Variants in SPEF2 observed in about 807,000 individuals in gnomAD.
SPEF2 encodes sperm flagella and cilia-associated protein 2.
A neutral mutation model predicts 224.6 loss-of-function variants in SPEF2; 187 were observed. The observed-to-expected ratio is 0.83, with a 90% CI of 0.74 to 0.94. The LOEUF is 0.94. Among genes scored for constraint, SPEF2 ranks in the 40% least tolerant of loss-of-function variants. SPEF2 has a pLI of 0.00. For missense variants in SPEF2, 2,170 were observed against 2,135.6 expected, an observed-to-expected ratio of 1.02 and a Z score of -0.32; for synonymous variants, 715 against 707.3, an observed-to-expected ratio of 1.01 and a Z score of -0.17.
chr5:35,701,587 G>A lies in SPEF2; in HGVS notation c.2398+835G>A, dbSNP rs974938376. On this transcript the variant is annotated intron_variant, in intron 16 of 36. Transcript: ENST00000356031. ...AATATTGCCTCTTGGACCCTTGGGG[G>A]TACCTGATTCTATAGGGGTCTGTGC... Among the ~76,000 whole-genome samples, 4 of 152,244 alleles carry A rather than the reference G, an allele frequency of 2.6e-5. No individual in the cohort carries two copies. In the East Asian group the frequency reaches 5.8e-4, roughly 22 times the overall value.
intron 36 of SPEF2, 151 bp downstream of exon 36, chr5:35,807,404 C>T (rs950851058): frequency 1.6e-6 from 2 of 1,261,902 alleles, no homozygotes; most frequent in African/African-American, 1.5e-5. Flanking sequence ...GTAATCACAT[C>T]AGGCCAGAAA....
intron 19 of SPEF2, 57 bp from the exon 20 acceptor site, chr5:35,712,755 T>C: frequency 1.9e-6 from 3 of 1,547,734 alleles, no homozygotes; most frequent in Non-Finnish European, 2.7e-6. Flanking sequence ...TACAATCATA[T>C]AGCCCAGGCT....
chr5:35,739,279 G>A (rs1314893383), intron 21 of SPEF2, among the ~76,000 whole-genome samples: 2 of 152,290 alleles, frequency 1.3e-5, no homozygotes, highest in Non-Finnish European at 2.9e-5. Flanking sequence ...TACAATTAAC[G>A]TCATCAGTGT....
chr5:35,708,952 GAAGAAAT>G lies in SPEF2; in HGVS notation c.2671_2677del (p.Lys891Ter). On this transcript the variant is annotated frameshift_variant, in exon 19 of 37. Coordinates refer to ENST00000356031, the MANE Select transcript of SPEF2 (RefSeq NM_024867.4). LOFTEE classifies it high-confidence loss of function. ...ATTCTTATCATCCTTTTGAAGTTGA[GAAGAAAT>G]TAGAAGAAAAGGAAGCTGAGAAAAA... 1 of 1,606,574 alleles carries G rather than the reference GAAGAAAT, an allele frequency of 6.2e-7. No individual in the cohort carries two copies. The highest frequency in any genetic ancestry group is 8.5e-7 in the Non-Finnish European group (1 of 1,178,210).
chr5:35,674,997 G>A (rs1751731525), intron 10 of SPEF2, among the ~76,000 whole-genome samples: 1 of 152,034 alleles, frequency 6.6e-6, no homozygotes, highest in South Asian at 2.1e-4. Context: ...TGATGAACCT[G>A]AGCATTAATT....
At chr5:35,742,137 A>G (rs1396198870) in intron 23 of SPEF2, among the ~76,000 whole-genome samples, 1 of 152,176 alleles carries the variant, frequency 6.6e-6, no homozygotes, top group African/African-American at 2.4e-5. Flanking sequence ...TTTTCAATAA[A>G]CATTCATCTA....
intron 26 of SPEF2, among the ~76,000 whole-genome samples, chr5:35,767,440 G>A (rs1350657990): frequency 6.6e-6 from 1 of 151,396 alleles, no homozygotes; most frequent in Non-Finnish European, 1.5e-5. Context: ...TAGTCTCTTA[G>A]CAATTGCCCT....
At chr5:35,680,140 A>G (rs1322431054) in intron 10 of SPEF2, among the ~76,000 whole-genome samples, 1 of 152,240 alleles carries the variant, frequency 6.6e-6, no homozygotes, top group Non-Finnish European at 1.5e-5. Context: ...AGTCTCTGGC[A>G]TAGTTTGTTA....
chr5:35,788,393 A>T (rs1352231950), intron 30 of SPEF2: 1 of 702,860 alleles, frequency 1.4e-6, no homozygotes, highest in African/African-American at 1.7e-5. Context: ...TACATACTTT[A>T]TTGCTGAAGT....
intron 20 of SPEF2, among the ~76,000 whole-genome samples, chr5:35,727,345 G>A (rs1357491866): frequency 6.6e-6 from 1 of 152,144 alleles, no homozygotes; most frequent in Non-Finnish European, 1.5e-5. Flanking sequence ...GCCAGTTTTT[G>A]AAATAGTAAG....
chr5:35,808,599 A>G (rs528590920), intron 36 of SPEF2, among the ~76,000 whole-genome samples: 4 of 152,000 alleles, frequency 2.6e-5, no homozygotes, highest in Non-Finnish European at 5.9e-5. Flanking sequence ...ATATGGCTGC[A>G]TAGTATTCCG....
chr5:35,804,785 T>C (rs1356943207), intron 34 of SPEF2, among the ~76,000 whole-genome samples: 1 of 152,210 alleles, frequency 6.6e-6, no homozygotes, highest in Non-Finnish European at 1.5e-5. Flanking sequence ...CCCCTAATTA[T>C]GGAAATAGTT....
At chr5:35,814,381 G>T in intron 36 of SPEF2, 83 bp from the exon 37 acceptor site, 4 of 662,498 alleles carry the variant, frequency 6.0e-6, no homozygotes, top group Non-Finnish European at 9.4e-6. Flanking sequence ...TGTACTATGT[G>T]ATCATTTATT....
At chr5:35,792,495 G>C (rs1185443256) in intron 31 of SPEF2, 49 bp downstream of exon 31, 1 of 1,455,990 alleles carries the variant, frequency 6.9e-7, no homozygotes, top group Non-Finnish European at 9.6e-7. Flanking sequence ...ATTCTTATTT[G>C]ATCAATGCAT....
At chr5:35,761,687 A>G (rs1361997901) in intron 25 of SPEF2, among the ~76,000 whole-genome samples, 4 of 150,810 alleles carry the variant, frequency 2.7e-5, no homozygotes, top group Non-Finnish European at 4.4e-5. Context: ...ATTAAAAACA[A>G]TTAAAAAAAA....
intron 13 of SPEF2, among the ~76,000 whole-genome samples, 190 bp from the exon 14 acceptor site, chr5:35,695,545 C>G (rs1755185979): frequency 6.6e-6 from 1 of 151,980 alleles, no homozygotes; most frequent in South Asian, 2.1e-4. Flanking sequence ...CACATAGTGA[C>G]CAGGATCTTA....
intron 23 of SPEF2, among the ~76,000 whole-genome samples, chr5:35,749,366 G>C (rs1749057077): frequency 6.6e-6 from 1 of 152,030 alleles, no homozygotes; most frequent in African/African-American, 2.4e-5. Flanking sequence ...AATCAGACTA[G>C]AGAAAGAAAG....
chr5:35,744,222 T>C (rs1283570445), intron 23 of SPEF2, among the ~76,000 whole-genome samples: 2 of 152,216 alleles, frequency 1.3e-5, no homozygotes, highest in Non-Finnish European at 2.9e-5. Context: ...ACAACTTTTG[T>C]AAGAATAGAC....
intron 32 of SPEF2, among the ~76,000 whole-genome samples, chr5:35,794,451 A>G (rs1005771295): frequency 2.6e-5 from 4 of 152,176 alleles, no homozygotes; most frequent in African/African-American, 4.8e-5. Context: ...CCAGAAGGAA[A>G]AACACAAACT....
Sources: gnomAD v4.1 joint callset for allele counts (sites outside exome capture counted in the v4.1 genomes callset) on GRCh38, gnomAD v4.1.1 for gene constraint, MANE v1.5 for transcripts, NCBI Gene and HGNC (gene_info 2026-07-23, HGNC 2026-07-21) for gene names.